SNTG1: variants seen among roughly 807,000 people sequenced by gnomAD.
The protein encoded by SNTG1 is syntrophin gamma 1, also known as gamma-1-syntrophin.
A neutral mutation model predicts 74.7 loss-of-function variants in SNTG1; 39 were observed. That is an observed-to-expected ratio of 0.52 (90% CI 0.40 to 0.68). The LOEUF is 0.68. SNTG1 is among the 30% of genes least tolerant of loss of function. The pLI is 0.00. For missense variants in SNTG1, 685 were observed against 609.5 expected, an observed-to-expected ratio of 1.12 and a Z score of -1.30; for synonymous variants, 254 against 217.1, an observed-to-expected ratio of 1.17 and a Z score of -1.49.
intron 1 of SNTG1, among the ~76,000 whole-genome samples, chr8:50,161,072 C>T (rs570425668): frequency 3.3e-5 from 5 of 152,082 alleles, no homozygotes; most frequent in Non-Finnish European, 7.4e-5. Context: ...ATAGATAGAT[C>T]ATTAAGGACA....
At chr8:50,788,388 T>G (rs2095681862) in intron 18 of SNTG1, among the ~76,000 whole-genome samples, 1 of 152,044 alleles carries the variant, frequency 6.6e-6, no homozygotes, top group African/African-American at 2.4e-5. Flanking sequence ...GGTTTAATGA[T>G]CTATTGAATG....
intron 2 of SNTG1, among the ~76,000 whole-genome samples, chr8:50,308,519 CTT>C (rs1204553994): frequency 6.6e-6 from 1 of 152,056 alleles, no homozygotes; most frequent in African/African-American, 2.4e-5. Context: ...ATAAACCACT[CTT>C]CTCATTTTCA....
chr8:50,108,543 T>C (rs1330902341), intron 1 of SNTG1, among the ~76,000 whole-genome samples: 1 of 152,174 alleles, frequency 6.6e-6, no homozygotes, highest in Non-Finnish European at 1.5e-5. Flanking sequence ...ATTTATTTTG[T>C]AACAAAACAT....
At chr8:49,937,303 C>G (rs879270485) in intron 1 of SNTG1, among the ~76,000 whole-genome samples, 5 of 152,044 alleles carry the variant, frequency 3.3e-5, no homozygotes, top group Non-Finnish European at 7.4e-5. Context: ...CAGGAGCTGC[C>G]TGGGACAGGA....
At chr8:50,499,897 A>G (rs2093936376) in intron 8 of SNTG1, among the ~76,000 whole-genome samples, 1 of 152,038 alleles carries the variant, frequency 6.6e-6, no homozygotes, top group Admixed American at 6.6e-5. Flanking sequence ...TGCATTGATC[A>G]TGTTGTATTG....
At chr8:50,094,194 G>A (rs1221319599) in intron 1 of SNTG1, among the ~76,000 whole-genome samples, 2 of 151,980 alleles carry the variant, frequency 1.3e-5, no homozygotes, top group African/African-American at 4.8e-5. Flanking sequence ...AGTGAACAGA[G>A]GTAGAAAAGT....
intron 1 of SNTG1, among the ~76,000 whole-genome samples, chr8:49,915,957 C>T (rs758118749): frequency 4.6e-5 from 7 of 152,150 alleles, no homozygotes; most frequent in East Asian, 1.9e-4. Flanking sequence ...TTTTCTTAGT[C>T]GGGTTTTAAA....
At chr8:50,021,031 T>G (rs1016747277) in intron 1 of SNTG1, among the ~76,000 whole-genome samples, 2 of 152,174 alleles carry the variant, frequency 1.3e-5, no homozygotes, top group Non-Finnish European at 2.9e-5. Context: ...CTTAATCTAC[T>G]GTGATGAATA....
intron 1 of SNTG1, among the ~76,000 whole-genome samples, chr8:50,001,337 TG>T (rs1563453874): frequency 6.6e-6 from 1 of 152,094 alleles, no homozygotes; most frequent in Admixed American, 6.6e-5. Flanking sequence ...GTAAACTCTT[TG>T]GGCAGCCTTG....
At chr8:50,791,741 C>T (rs187441737) in intron 18 of SNTG1, among the ~76,000 whole-genome samples, 3 of 151,858 alleles carry the variant, frequency 2.0e-5, no homozygotes, top group East Asian at 3.9e-4. Flanking sequence ...TTATTACCCT[C>T]TAGTTACCCT....
intron 1 of SNTG1, among the ~76,000 whole-genome samples, chr8:50,087,099 G>C (rs950072299): frequency 1.3e-5 from 2 of 152,134 alleles, no homozygotes; most frequent in Non-Finnish European, 2.9e-5. Flanking sequence ...GTTCCAGATA[G>C]TTTTTGTGAA....
At chr8:50,648,209 A>T (rs750562194) in intron 13 of SNTG1, among the ~76,000 whole-genome samples, 4 of 152,130 alleles carry the variant, frequency 2.6e-5, no homozygotes, top group Non-Finnish European at 5.9e-5. Flanking sequence ...CCAAAGCTAA[A>T]CTCAGTTCAA....
intron 17 of SNTG1, among the ~76,000 whole-genome samples, chr8:50,711,480 C>T (rs1440537008): frequency 6.6e-6 from 1 of 152,218 alleles, no homozygotes; most frequent in Admixed American, 6.5e-5. Flanking sequence ...TATTCTGGGT[C>T]ATTATTTGAG....
intron 2 of SNTG1, among the ~76,000 whole-genome samples, chr8:50,343,881 C>A (rs545098557): frequency 1.3e-5 from 2 of 152,202 alleles, no homozygotes; most frequent in African/African-American, 4.8e-5. Flanking sequence ...AAAATACAGG[C>A]CTTAATATTA....
At chr8:50,009,024 T>TTTGC (rs76134137) in intron 1 of SNTG1, among the ~76,000 whole-genome samples, 2 of 151,628 alleles carry the variant, frequency 1.3e-5, no homozygotes, top group South Asian at 4.1e-4. Context: ...CAGTCAGTGC[T>TTTGC]TTATTTATTT....
intron 17 of SNTG1, among the ~76,000 whole-genome samples, chr8:50,738,594 C>T (rs189776894): frequency 2.0e-5 from 3 of 151,866 alleles, no homozygotes; most frequent in Non-Finnish European, 2.9e-5. Context: ...AGAGCCCACA[C>T]AGCCAGGACA....
intron 1 of SNTG1, among the ~76,000 whole-genome samples, chr8:49,916,997 C>T (rs964341045): frequency 6.6e-6 from 1 of 151,574 alleles, no homozygotes; most frequent in Non-Finnish European, 1.5e-5. Flanking sequence ...TGCACTCCAG[C>T]CTGAATGAGA....
intron 18 of SNTG1, among the ~76,000 whole-genome samples, chr8:50,789,935 A>T (rs1563841646): frequency 6.6e-6 from 1 of 151,918 alleles, no homozygotes; most frequent in East Asian, 1.9e-4. Flanking sequence ...TCCACACAAA[A>T]TAACCCTTGC....
In SNTG1 at chr8:50,151,760, C is replaced by G. The variant is rs536014386; in HGVS notation, c.-102-20801C>G. Among the ~76,000 whole-genome samples the G allele has an allele frequency of 3.3e-5, 5 of 152,278 alleles. No homozygotes were observed. The South Asian group carries it at 1.0e-3, about 32-fold the overall frequency. On this transcript the variant is annotated intron_variant, in intron 1 of 18. Transcript: ENST00000642720. Reference sequence around the variant, plus strand: ...AATCCTGAGTTCTAGTTTGATTGCACTGTGGTCTGAGGGAGAGCTTGTTGT... The same window carrying G: ...AATCCTGAGTTCTAGTTTGATTGCAGTGTGGTCTGAGGGAGAGCTTGTTGT...
Sources: gnomAD v4.1 joint callset for allele counts (sites outside exome capture counted in the v4.1 genomes callset) on GRCh38, gnomAD v4.1.1 for gene constraint, MANE v1.5 for transcripts, NCBI Gene and HGNC (gene_info 2026-07-23, HGNC 2026-07-21) for gene names.